MAST2: variants seen among roughly 807,000 people sequenced by gnomAD.
MAST2 encodes the protein microtubule associated serine/threonine kinase 2.
A neutral mutation model predicts 147.4 loss-of-function variants in MAST2; 70 were observed. That is an observed-to-expected ratio of 0.47 (90% CI 0.39 to 0.58). The LOEUF is 0.58. MAST2 is among the 20% of genes least tolerant of loss of function. MAST2 has a pLI of 0.00. For missense variants in MAST2, 2,080 were observed against 2,302.3 expected (o/e 0.90, Z 1.98); for synonymous variants, 869 against 896.8 (o/e 0.97, Z 0.55).
intron 4 of MAST2, among the ~76,000 whole-genome samples, chr1:45,886,762 A>G (rs937110694): frequency 5.3e-5 from 8 of 152,178 alleles, no homozygotes; most frequent in South Asian, 2.1e-4. Context: ...TTCTTGCCCA[A>G]TGCTATAGTG....
intron 4 of MAST2, among the ~76,000 whole-genome samples, chr1:45,887,216 C>A (rs1647134543): frequency 6.6e-6 from 1 of 152,174 alleles, no homozygotes; most frequent in South Asian, 2.1e-4. Flanking sequence ...TCTCCAGTTA[C>A]CCTGAAAGTA....
At chr1:45,919,749 C>T (rs1653142555) in intron 4 of MAST2, among the ~76,000 whole-genome samples, 1 of 151,552 alleles carries the variant, frequency 6.6e-6, no homozygotes. Context: ...AACACACAAC[C>T]TGGAGCAACA....
chr1:45,856,327 C>A (rs944172709), intron 3 of MAST2, among the ~76,000 whole-genome samples: 4 of 152,076 alleles, frequency 2.6e-5, no homozygotes, highest in African/African-American at 9.7e-5. Context: ...GTTTGTTGAG[C>A]AAATATTTAA....
chr1:45,841,498 G>A (rs1645274935), intron 3 of MAST2, among the ~76,000 whole-genome samples: 2 of 151,778 alleles, frequency 1.3e-5, no homozygotes, highest in African/African-American at 2.4e-5. Flanking sequence ...AGAAATACAT[G>A]TATTCCTTAT....
intron 4 of MAST2, among the ~76,000 whole-genome samples, chr1:45,955,265 A>G (rs1334805280): frequency 6.6e-6 from 1 of 152,182 alleles, no homozygotes; most frequent in Non-Finnish European, 1.5e-5. Flanking sequence ...AGTCTCTTAT[A>G]TAAAAGAGCA....
At chr1:45,967,756 G>A (rs533174278) in intron 5 of MAST2, among the ~76,000 whole-genome samples, 3 of 152,210 alleles carry the variant, frequency 2.0e-5, no homozygotes, top group South Asian at 2.1e-4. Context: ...AAGTGAACCC[G>A]TACAGTTCAA....
intron 18 of MAST2, chr1:46,029,246 C>T: frequency 3.6e-6 from 2 of 551,382 alleles, no homozygotes; most frequent in South Asian, 2.8e-5. Context: ...AGTATAAAAG[C>T]AGGGTGAGCT....
At chr1:46,019,873 ATGG>A (rs1484400530) in intron 11 of MAST2, among the ~76,000 whole-genome samples, 176 bp downstream of exon 11, 1 of 152,226 alleles carries the variant, frequency 6.6e-6, no homozygotes, top group Non-Finnish European at 1.5e-5. Flanking sequence ...GGACAAATGT[ATGG>A]TCCTGAGGGG....
intron 4 of MAST2, among the ~76,000 whole-genome samples, chr1:45,888,097 C>T (rs1046367611): frequency 2.0e-5 from 3 of 152,104 alleles, no homozygotes; most frequent in African/African-American, 7.2e-5. Flanking sequence ...GCTCATTATC[C>T]CCACATTTAT....
intron 4 of MAST2, among the ~76,000 whole-genome samples, chr1:45,896,137 C>T (rs1648696947): frequency 6.6e-6 from 1 of 151,462 alleles, no homozygotes; most frequent in Non-Finnish European, 1.5e-5. Flanking sequence ...AAGGAATTCT[C>T]ATGCCTCAGC....
rs553597915 is a variant in MAST2 at position 45,818,990 on chromosome 1, A to T, written c.178-5443A>T. ...ATTCCAAGACCGGGCATAGTGGCTC[A>T]TGCCTGTAATCCCAGCACTTTGGGA... On this transcript the variant is annotated intron_variant, in intron 1 of 28. Coordinates refer to ENST00000361297, the MANE Select transcript of MAST2 (RefSeq NM_015112.3). Among the ~76,000 whole-genome samples, 278 of 152,338 alleles carry T rather than the reference A, an allele frequency of 1.8e-3. 1 individual carries two copies. The highest frequency in any genetic ancestry group is 6.1e-3 in the African/African-American group (253 of 41,582).
intron 2 of MAST2, among the ~76,000 whole-genome samples, chr1:45,825,572 A>G (rs756373966): frequency 1.3e-5 from 2 of 151,528 alleles, no homozygotes; most frequent in Non-Finnish European, 2.9e-5. Flanking sequence ...AGCTGGGATC[A>G]CAGGTGCGCA....
chr1:45,966,911 G>A (rs372209159), intron 5 of MAST2, among the ~76,000 whole-genome samples: 10 of 140,756 alleles, frequency 7.1e-5, no homozygotes, highest in Admixed American at 2.3e-4. Flanking sequence ...CCATCATTCA[G>A]GTTGGAGTAT....
intron 3 of MAST2, among the ~76,000 whole-genome samples, chr1:45,870,014 C>T (rs1646317138): frequency 6.6e-6 from 1 of 152,194 alleles, no homozygotes; most frequent in Admixed American, 6.5e-5. Context: ...ACCTCCGCCT[C>T]CTGGGTTCAA....
At chr1:45,881,529 C>T (rs1006124638) in intron 3 of MAST2, among the ~76,000 whole-genome samples, 2 of 152,166 alleles carry the variant, frequency 1.3e-5, no homozygotes, top group East Asian at 3.8e-4. Flanking sequence ...ACTTGATACA[C>T]TTGGAAAGCA....
intron 5 of MAST2, among the ~76,000 whole-genome samples, chr1:45,966,992 C>T (rs566935879): frequency 1.3e-5 from 2 of 150,560 alleles, no homozygotes; most frequent in African/African-American, 2.4e-5. Context: ...CTAATCTATG[C>T]GTAGTTGTAT....
At chr1:45,885,136 CAT>C (rs1490143586) in intron 4 of MAST2, among the ~76,000 whole-genome samples, 1 of 152,198 alleles carries the variant, frequency 6.6e-6, no homozygotes, top group Non-Finnish European at 1.5e-5. Context: ...TTCTCGTCCT[CAT>C]AGCCTGATCT....
chr1:46,029,658 G>C, intron 19 of MAST2, 91 bp downstream of exon 19: 3 of 1,397,904 alleles, frequency 2.1e-6, no homozygotes, highest in Non-Finnish European at 3.0e-6. Context: ...CTTCGGTTAC[G>C]GGCAGCCCCT....
intron 3 of MAST2, among the ~76,000 whole-genome samples, chr1:45,843,896 A>G (rs974111488): frequency 1.3e-5 from 2 of 152,208 alleles, no homozygotes; most frequent in African/African-American, 2.4e-5. Context: ...TACTCTCAAG[A>G]GCATCCTTAA....
Sources: allele counts gnomAD v4.1 joint callset (sites outside exome capture counted in the v4.1 genomes callset), GRCh38; gene constraint gnomAD v4.1.1; transcripts MANE v1.5; gene names NCBI Gene and HGNC (gene_info 2026-07-23, HGNC 2026-07-21).